CDH18: variants seen among roughly 807,000 people sequenced by gnomAD.
CDH18 encodes cadherin 18.
A neutral mutation model predicts 67.9 loss-of-function variants in CDH18; 31 were observed. The ratio of observed to expected loss-of-function variants is 0.46; its 90% CI spans 0.34 to 0.62. The LOEUF is 0.62. Among genes scored for constraint, CDH18 ranks in the 20% least tolerant of loss-of-function variants. The probability of loss-of-function intolerance (pLI) is 0.01; values close to 1 mark genes in which losing one functional copy is unlikely to be tolerated. For synonymous variants in CDH18, 362 were observed against 347.2 expected (o/e 1.04, Z -0.48); for missense variants, 890 against 975.5 (o/e 0.91, Z 1.17).
At chr5:20,129,900 C>T (rs1580309913) in intron 2 of CDH18, among the ~76,000 whole-genome samples, 1 of 151,742 alleles carries the variant, frequency 6.6e-6, no homozygotes, top group African/African-American at 2.4e-5. Flanking sequence ...TTATATAGGT[C>T]TCTAAAATTG....
At chr5:20,163,471 T>G (rs761246423) in intron 2 of CDH18, among the ~76,000 whole-genome samples, 12 of 152,220 alleles carry the variant, frequency 7.9e-5, no homozygotes, top group South Asian at 2.1e-4. Context: ...AAATGGATTA[T>G]TCTTAACAGA....
In CDH18 at chr5:19,582,207, A is replaced by G. The variant is rs182546032; in HGVS notation, c.999+8850T>C. On this transcript the variant is annotated intron_variant, in intron 7 of 12. Transcript: ENST00000382275. ...ATATGTATATCTATGTGTTTTGTGC[A>G]TATGTGTGCACGTGTATGTGTATAT... Among the ~76,000 whole-genome samples the G allele has an allele frequency of 3.6e-4, 55 of 152,102 alleles. 2 individuals carry two copies. In the East Asian group the frequency reaches 9.8e-3, roughly 27 times the overall value.
intron 2 of CDH18, among the ~76,000 whole-genome samples, chr5:19,840,694 C>G (rs1782210590): frequency 6.6e-6 from 1 of 151,944 alleles, no homozygotes; most frequent in African/African-American, 2.4e-5. Flanking sequence ...AAGAATGAAA[C>G]TCTGTCTCAA....
At chr5:20,326,763 G>C (rs1313571370) in intron 1 of CDH18, among the ~76,000 whole-genome samples, 2 of 152,034 alleles carry the variant, frequency 1.3e-5, no homozygotes, top group African/African-American at 4.8e-5. Flanking sequence ...AGATGGTCTC[G>C]ATCTCCTGAC....
chr5:20,483,158 C>A (rs2126323145), intron 1 of CDH18, among the ~76,000 whole-genome samples: 1 of 151,732 alleles, frequency 6.6e-6, no homozygotes, highest in South Asian at 2.1e-4. Flanking sequence ...ATAAAGTAAC[C>A]CCATTAACAA....
chr5:19,528,933 C>T (rs1424216562), intron 9 of CDH18, among the ~76,000 whole-genome samples: 1 of 151,360 alleles, frequency 6.6e-6, no homozygotes, highest in East Asian at 1.9e-4. Context: ...TTTAAATAAA[C>T]TACATAATTA....
intron 2 of CDH18, among the ~76,000 whole-genome samples, chr5:20,101,468 T>C (rs571899420): frequency 2.8e-4 from 43 of 152,322 alleles, no homozygotes; most frequent in Non-Finnish European, 5.1e-4. Flanking sequence ...GGAATGACTC[T>C]AACAGCAGAT....
intron 2 of CDH18, among the ~76,000 whole-genome samples, chr5:19,891,699 C>G (rs115211049): frequency 9.4e-4 from 143 of 152,146 alleles, no homozygotes; most frequent in East Asian, 4.3e-3. Flanking sequence ...CTGAATTTCT[C>G]CCCAGGCTGA....
chr5:20,166,310 G>A (rs924231179), intron 2 of CDH18, among the ~76,000 whole-genome samples: 12 of 151,172 alleles, frequency 7.9e-5, no homozygotes, highest in African/African-American at 1.2e-4. Context: ...GCTTGATGGC[G>A]GGCACCTGTA....
intron 2 of CDH18, among the ~76,000 whole-genome samples, chr5:20,007,910 G>A (rs1272393930): frequency 6.6e-6 from 1 of 152,070 alleles, no homozygotes; most frequent in African/African-American, 2.4e-5. Context: ...GTCTGCGGCT[G>A]CTTCATGCTA....
At chr5:20,429,112 C>T (rs1446782648) in intron 1 of CDH18, among the ~76,000 whole-genome samples, 2 of 151,526 alleles carry the variant, frequency 1.3e-5, no homozygotes. Flanking sequence ...AATCTCTCTC[C>T]TCAAGAAAGA....
intron 2 of CDH18, among the ~76,000 whole-genome samples, chr5:20,247,336 G>A (rs943102521): frequency 1.3e-5 from 2 of 152,114 alleles, no homozygotes; most frequent in African/African-American, 2.4e-5. Flanking sequence ...CTTGGGGGAA[G>A]GCAGGTTCAA....
intron 1 of CDH18, among the ~76,000 whole-genome samples, chr5:20,492,022 C>T (rs1753621397): frequency 6.6e-6 from 1 of 151,502 alleles, no homozygotes; most frequent in Non-Finnish European, 1.5e-5. Context: ...GTATTATTTT[C>T]ATCTTACTTA....
intron 1 of CDH18, among the ~76,000 whole-genome samples, chr5:20,522,713 A>T (rs1470727672): frequency 6.6e-6 from 1 of 152,208 alleles, no homozygotes; most frequent in Non-Finnish European, 1.5e-5. Flanking sequence ...AATGTTAAAA[A>T]ATAAAACCCT....
At chr5:19,766,748 C>T (rs1389172181) in intron 3 of CDH18, among the ~76,000 whole-genome samples, 1 of 152,134 alleles carries the variant, frequency 6.6e-6, no homozygotes, top group East Asian at 1.9e-4. Flanking sequence ...CACATCTAAT[C>T]CCCTTCAAAC....
intron 2 of CDH18, among the ~76,000 whole-genome samples, chr5:20,101,208 T>TA (rs563461511): frequency 6.6e-6 from 1 of 152,050 alleles, no homozygotes; most frequent in South Asian, 2.1e-4. Flanking sequence ...GCAATCCTCC[T>TA]ACCTTGGCTT....
chr5:20,443,352 TC>T (rs1350593592), intron 1 of CDH18, among the ~76,000 whole-genome samples: 2 of 151,836 alleles, frequency 1.3e-5, no homozygotes, highest in African/African-American at 4.9e-5. Flanking sequence ...ATGTTTGGTA[TC>T]CCTAAACCAC....
rs1169401668 is a variant in CDH18 at position 19,473,133 on chromosome 5, A to C, written c.*93T>G. The C allele has an allele frequency of 1.3e-6, 2 of 1,495,984 alleles. No homozygotes were observed. The highest frequency in any genetic ancestry group is 2.8e-5 in the African/African-American group (2 of 71,424). The allele number at this position is 1,495,984 out of a possible 1,614,324, so 92.7% of individuals were successfully genotyped here. ...GCTGTGTCCAGCTTCCTCAGTTCCA[A>C]GTACTGTTTCCACACTTCTTCCTTG... is the stretch of plus-strand genomic sequence containing the variant. On this transcript the variant is annotated 3_prime_UTR_variant, in exon 13 of 13. Coordinates refer to ENST00000382275, the MANE Select transcript of CDH18 (RefSeq NM_004934.5).
chr5:19,917,620 T>G (rs1392158674), intron 2 of CDH18, among the ~76,000 whole-genome samples: 1 of 152,126 alleles, frequency 6.6e-6, no homozygotes, highest in African/African-American at 2.4e-5. Context: ...CAAGTGGTAT[T>G]CATTCCGTGT....
Sources: gnomAD v4.1 joint callset for allele counts (sites outside exome capture counted in the v4.1 genomes callset) on GRCh38, gnomAD v4.1.1 for gene constraint, MANE v1.5 for transcripts, NCBI Gene and HGNC (gene_info 2026-07-23, HGNC 2026-07-21) for gene names.